The following FSTL4 variants were observed in gnomAD, a reference collection of about 807,000 sequenced individuals.
The protein encoded by FSTL4 is follistatin like 4.
FSTL4 carries 28 observed loss-of-function variants against 78.2 expected under a neutral mutation model. That is an observed-to-expected ratio of 0.36 (90% CI 0.27 to 0.49). The LOEUF is 0.49. FSTL4 is among the 20% of genes least tolerant of loss of function. The pLI is 0.98. For synonymous variants in FSTL4, 422 were observed against 440.5 expected (o/e 0.96, Z 0.53); for missense variants, 922 against 1,084.9 (o/e 0.85, Z 2.11).
the FSTL4 span, among the ~76,000 whole-genome samples, chr5:133,771,528 G>C: frequency 6.6e-6 from 1 of 152,040 alleles, no homozygotes; most frequent in South Asian, 2.1e-4. Flanking sequence ...TTGGTCCTCA[G>C]CTAGATTCTT....
chr5:133,592,517 A>G (rs147825333), intron 2 of FSTL4, among the ~76,000 whole-genome samples: 1 of 152,298 alleles, frequency 6.6e-6, no homozygotes, highest in African/African-American at 2.4e-5. Context: ...GTTCCTAAGA[A>G]TTACTGGACA....
the FSTL4 span, among the ~76,000 whole-genome samples, chr5:133,680,396 T>C: frequency 6.6e-6 from 1 of 152,144 alleles, no homozygotes. Context: ...AAACACAGGA[T>C]CCTTTCCAAG....
intron 3 of FSTL4, among the ~76,000 whole-genome samples, chr5:133,534,380 C>T (rs767470673): frequency 3.9e-5 from 6 of 152,290 alleles, no homozygotes; most frequent in East Asian, 1.9e-4. Context: ...AGTCCAGGCA[C>T]GGGGCAAACT....
Position 133,330,036 on chromosome 5 carries a change from G to A in FSTL4, c.410-13384C>T, listed in dbSNP as rs73282058. On this transcript the variant is annotated intron_variant, in intron 4 of 15. Coordinates refer to ENST00000265342, the MANE Select transcript of FSTL4 (RefSeq NM_015082.2). ...TTTTGGAGAATCCCATCTCTAAAGC[G>A]ACAACACTTGAATATTCAAGTTGTC... 6.8e-3 allele frequency among the ~76,000 whole-genome samples: 1,041 copies of A among 152,192 alleles called. 13 individuals carry two copies. The highest frequency in any genetic ancestry group is 0.022 in the African/African-American group (923 of 41,538).
At chr5:133,365,620 C>T (rs925134333) in intron 4 of FSTL4, among the ~76,000 whole-genome samples, 4 of 152,234 alleles carry the variant, frequency 2.6e-5, no homozygotes, top group Non-Finnish European at 5.9e-5. Flanking sequence ...GTGCAGTCTT[C>T]AGTCCTTGCT....
chr5:133,575,873 A>C (rs1399350387), intron 2 of FSTL4, among the ~76,000 whole-genome samples: 1 of 152,208 alleles, frequency 6.6e-6, no homozygotes, highest in East Asian at 1.9e-4. Context: ...TGAAGCAGGG[A>C]ATTAATTTTA....
chr5:133,619,975 G>T, the FSTL4 span, among the ~76,000 whole-genome samples: 2 of 152,126 alleles, frequency 1.3e-5, no homozygotes, highest in Non-Finnish European at 2.9e-5. Flanking sequence ...AGTCATTACA[G>T]ATAAGTTCCA....
chr5:133,503,251 C>T (rs1202723876), intron 3 of FSTL4, among the ~76,000 whole-genome samples: 3 of 152,052 alleles, frequency 2.0e-5, no homozygotes, highest in East Asian at 3.9e-4. Context: ...TGGTTAGAAA[C>T]GGAGATATGA....
chr5:133,533,674 C>T (rs992095757), intron 3 of FSTL4, among the ~76,000 whole-genome samples: 2 of 152,204 alleles, frequency 1.3e-5, no homozygotes, highest in Non-Finnish European at 2.9e-5. Flanking sequence ...TTCAGCAAAA[C>T]CTAGTGAGGA....
At chr5:133,400,480 G>A (rs143326882) in intron 4 of FSTL4, among the ~76,000 whole-genome samples, 1 of 152,198 alleles carries the variant, frequency 6.6e-6, no homozygotes, top group African/African-American at 2.4e-5. Flanking sequence ...TAGTGAACCT[G>A]TACCAGCCAG....
chr5:133,327,225 G>A (rs1292258546), intron 4 of FSTL4, among the ~76,000 whole-genome samples: 1 of 152,218 alleles, frequency 6.6e-6, no homozygotes, highest in African/African-American at 2.4e-5. Flanking sequence ...CTGAGGAAAC[G>A]CAACGGTATG....
At chr5:133,622,072 C>T in the FSTL4 span, among the ~76,000 whole-genome samples, 2 of 152,086 alleles carry the variant, frequency 1.3e-5, no homozygotes, top group African/African-American at 2.4e-5. Context: ...TATCCCTAAT[C>T]TCTGGCAACC....
intron 3 of FSTL4, among the ~76,000 whole-genome samples, chr5:133,547,905 A>G (rs1408242559): frequency 6.6e-6 from 1 of 152,226 alleles, no homozygotes; most frequent in Non-Finnish European, 1.5e-5. Flanking sequence ...TACATGGCCA[A>G]TCATTAAAGT....
intron 4 of FSTL4, among the ~76,000 whole-genome samples, chr5:133,373,533 G>A (rs753582358): frequency 2.0e-5 from 3 of 152,228 alleles, no homozygotes; most frequent in Non-Finnish European, 2.9e-5. Context: ...GTGAACAGGC[G>A]GCAGCACCAA....
the FSTL4 span, among the ~76,000 whole-genome samples, chr5:133,755,794 A>G: frequency 2.0e-5 from 3 of 152,248 alleles, no homozygotes; most frequent in Non-Finnish European, 4.4e-5. Context: ...GGGTATAAGC[A>G]TAAAACAACC....
the FSTL4 span, among the ~76,000 whole-genome samples, chr5:133,697,912 A>AC: frequency 0.35 from 53,164 of 151,936 alleles, 10,191 homozygotes; most frequent in African/African-American, 0.51. Flanking sequence ...CAGGGGAAGT[A>AC]CCCCCAAAAA....
chr5:133,592,531 G>A (rs1317124118), intron 2 of FSTL4, among the ~76,000 whole-genome samples: 2 of 152,150 alleles, frequency 1.3e-5, no homozygotes, highest in African/African-American at 4.8e-5. Flanking sequence ...CTGGACAACT[G>A]GTGCTATGGT....
At chr5:133,359,849 T>C (rs1288405346) in intron 4 of FSTL4, among the ~76,000 whole-genome samples, 3 of 152,208 alleles carry the variant, frequency 2.0e-5, no homozygotes, top group East Asian at 1.9e-4. Context: ...ATGGCCTCAG[T>C]TGTCCCTCAC....
the FSTL4 span, among the ~76,000 whole-genome samples, chr5:133,695,417 G>T: frequency 2.1e-4 from 32 of 152,234 alleles, no homozygotes; most frequent in African/African-American, 7.2e-4. Flanking sequence ...GGGAAGGCAG[G>T]TTTCCCTTCT....
Sources: gnomAD v4.1 joint callset for allele counts (sites outside exome capture counted in the v4.1 genomes callset) on GRCh38, gnomAD v4.1.1 for gene constraint, MANE v1.5 for transcripts, NCBI Gene and HGNC (gene_info 2026-07-23, HGNC 2026-07-21) for gene names.